The following KMT2C variants were observed in gnomAD, a reference collection of about 807,000 sequenced individuals.
KMT2C encodes histone-lysine N-methyltransferase 2C.
Under a neutral mutation model 507.9 loss-of-function variants are expected in KMT2C, and 88 were observed. The observed-to-expected ratio is 0.17, with a 90% CI of 0.15 to 0.21. The LOEUF is 0.21. KMT2C is among the 10% of genes least tolerant of loss of function. The pLI is 1.00. For missense variants in KMT2C, 4,954 were observed against 5,957.8 expected, an observed-to-expected ratio of 0.83 and a Z score of 5.55; for synonymous variants, 2,049 against 2,080.8, an observed-to-expected ratio of 0.98 and a Z score of 0.42.
At chr7:152,226,233 T>C (rs2094929100) in intron 18 of KMT2C, among the ~76,000 whole-genome samples, 1 of 140,310 alleles carries the variant, frequency 7.1e-6, no homozygotes, top group Admixed American at 7.1e-5. Flanking sequence ...TTTTTTTTTT[T>C]TTTTTTTTTT....
chr7:152,233,447 G>C lies in KMT2C; in HGVS notation c.2769+2370C>G, dbSNP rs1318796489. ...GTCCCTTCCAAGCAGGGACACGTAAGAGTAAACAAAAAAAGAAGATCAAAT... is the reference window on the plus strand; with the variant it reads ...GTCCCTTCCAAGCAGGGACACGTAACAGTAAACAAAAAAAGAAGATCAAAT... On this transcript the variant is annotated intron_variant, in intron 16 of 58. Coordinates refer to ENST00000262189, the MANE Select transcript of KMT2C (RefSeq NM_170606.3). 2.6e-5 allele frequency among the ~76,000 whole-genome samples: 4 copies of C among 151,546 alleles called. No individual in the cohort carries two copies. The East Asian group carries it at 7.7e-4, about 29-fold the overall frequency.
At chr7:152,296,432 CAA>C (rs551986657) in intron 6 of KMT2C, among the ~76,000 whole-genome samples, 14 of 98,694 alleles carry the variant, frequency 1.4e-4, no homozygotes, top group Non-Finnish European at 1.1e-4. Context: ...AACTCCATCT[CAA>C]AAAAAAAAAA....
chr7:152,435,993 G>A lies in KMT2C; in HGVS notation c.-207C>T, dbSNP rs896391743. On this transcript the variant is annotated 5_prime_UTR_variant, in exon 1 of 59. Coordinates refer to ENST00000262189, the MANE Select transcript of KMT2C (RefSeq NM_170606.3). The stretch of plus-strand genomic sequence containing the variant: ...CACGCACTCACACACATCGGCGCGG[G>A]CGCGCGCACCTCCGCGCGCAGGGGC... 1 of 266,052 alleles carries A rather than the reference G, an allele frequency of 3.8e-6. No homozygotes were observed. The allele number at this position is 266,052 out of a possible 1,614,324, so 16.5% of individuals were successfully genotyped here.
chr7:152,331,873 T>G (rs2096887767), intron 2 of KMT2C, among the ~76,000 whole-genome samples: 1 of 151,764 alleles, frequency 6.6e-6, no homozygotes, highest in African/African-American at 2.4e-5. Context: ...GGTCTTGAAC[T>G]CCTGACCTCA....
intron 55 of KMT2C, among the ~76,000 whole-genome samples, chr7:152,142,822 G>C (rs1364529000): frequency 6.6e-6 from 1 of 152,138 alleles, no homozygotes; most frequent in Non-Finnish European, 1.5e-5. Context: ...GGAAGACGGA[G>C]AAAAATAAAT....
intron 2 of KMT2C, among the ~76,000 whole-genome samples, chr7:152,346,207 T>G (rs1039630844): frequency 1.6e-4 from 24 of 152,308 alleles, no homozygotes; most frequent in Middle Eastern, 3.4e-3. Context: ...AACAAAGACA[T>G]AGTTGAATCT....
At chr7:152,193,985 T>A in intron 31 of KMT2C, 24 bp downstream of exon 31, 1 of 1,507,060 alleles carries the variant, frequency 6.6e-7, no homozygotes, top group Non-Finnish European at 8.8e-7. Context: ...GAATATAATG[T>A]AGAATTATAA....
At chr7:152,415,012 AT>A in intron 1 of KMT2C, among the ~76,000 whole-genome samples, 1 of 151,466 alleles carries the variant, frequency 6.6e-6, no homozygotes, top group Non-Finnish European at 1.5e-5. Flanking sequence ...CATGCAGCTA[AT>A]TTTTTATTTT....
At position 152,176,722 on chromosome 7, in the gene KMT2C, T is replaced by C. The variant is rs1340551299; in HGVS notation, c.8731A>G (p.Ile2911Val). 1.9e-6 allele frequency: 3 copies of C among 1,614,218 alleles called. No individual in the cohort carries two copies. Among genetic ancestry groups the C allele is most frequent in the African/African-American group, 1.3e-5 (1 of 75,058 alleles). ...PAQDVINSCG[I>V]TGSTPVLSSL... is the part of the protein sequence containing the mutation. ...GAGAGAACTGGAGTTGATCCAGTTATGCCACAAGAGTTTATTACATCTTGA... is the reference window on the plus strand; with the variant it reads ...GAGAGAACTGGAGTTGATCCAGTTACGCCACAAGAGTTTATTACATCTTGA... The change falls in exon 38 of 59, where the codon ATA (isoleucine) becomes GTA (valine). Residue 2911 changes from isoleucine (I) to valine (V), a missense_variant. Physicochemically the swap from Ile to Val is conservative, Grantham distance 29. Around this residue, in one of 29 missense-constraint regions of KMT2C, gnomAD observed 1,689 missense variants for 1,654.3 expected, o/e 1.02. Transcript: ENST00000262189.
intron 2 of KMT2C, among the ~76,000 whole-genome samples, chr7:152,353,905 T>C (rs1219608147): frequency 1.3e-5 from 2 of 152,224 alleles, no homozygotes; most frequent in African/African-American, 2.4e-5. Context: ...GACATACATA[T>C]GTTAAAACCT....
At chr7:152,398,435 T>C (rs2097550115) in intron 1 of KMT2C, among the ~76,000 whole-genome samples, 1 of 152,152 alleles carries the variant, frequency 6.6e-6, no homozygotes, top group Non-Finnish European at 1.5e-5. Context: ...AAAATGGATA[T>C]AAGTACATAC....
intron 34 of KMT2C, 69 bp from the exon 35 acceptor site, chr7:152,183,225 T>C (rs761713773): frequency 1.6e-6 from 2 of 1,221,684 alleles, no homozygotes; most frequent in East Asian, 2.5e-5. Flanking sequence ...AATAAAACTA[T>C]CATGAACTTT....
chr7:152,135,072 C>T lies in KMT2C; in HGVS notation c.*1760G>A, dbSNP rs1417759900. 8.7e-6 allele frequency: 2 copies of T among 228,846 alleles called. No homozygotes were observed. The highest frequency in any genetic ancestry group is 1.3e-4 in the East Asian group (2 of 15,890). The allele number at this position is 228,846 out of a possible 1,614,324, so 14.2% of individuals were successfully genotyped here. A position where few individuals can be genotyped will look rare whatever the true frequency, so the allele number is the denominator to read the frequency against. ...TATACAGAACAGAAAACAACAAAAA[C>T]CCGGTAGGACAAATACTGGTAGGAT... On this transcript the variant is annotated 3_prime_UTR_variant, in exon 59 of 59. Transcript: ENST00000262189.
At chr7:152,312,340 T>A (rs982229506) in intron 4 of KMT2C, 8 of 154,564 alleles carry the variant, frequency 5.2e-5, no homozygotes, top group African/African-American at 1.9e-4. Flanking sequence ...ATCAGAAATG[T>A]TTAGTCTGCT....
At chr7:152,322,332 C>T (rs1006966675) in intron 3 of KMT2C, among the ~76,000 whole-genome samples, 10 of 151,988 alleles carry the variant, frequency 6.6e-5, no homozygotes, top group African/African-American at 2.2e-4. Flanking sequence ...CACCGCACTC[C>T]AGCCTGGGCT....
chr7:152,390,762 A>T (rs992127320), intron 1 of KMT2C, among the ~76,000 whole-genome samples: 1 of 152,200 alleles, frequency 6.6e-6, no homozygotes, highest in Non-Finnish European at 1.5e-5. Flanking sequence ...TGTGTTTAAC[A>T]AATATTAGAC....
chr7:152,180,712 T>C lies in KMT2C; in HGVS notation c.7148A>G (p.Gln2383Arg), dbSNP rs1237509892. Residue 2383 changes from glutamine to arginine, a missense_variant and splice_region_variant, in exon 36 of 59, where the codon CAG becomes CGG. Physicochemically the swap from Gln to Arg is conservative, Grantham distance 43. Transcript: ENST00000262189. Reference sequence around the variant, plus strand: ...ACTGAGAACATACAATGTGTTTACCTGTCTCAATTTCTCTGTATCTGCTTG... The same window carrying C: ...ACTGAGAACATACAATGTGTTTACCCGTCTCAATTTCTCTGTATCTGCTTG... ...MAQADTEKLR[Q>R]RQKLREIILQ... The C allele has an allele frequency of 1.2e-6, 2 of 1,602,770 alleles. No homozygotes were observed. The highest frequency in any genetic ancestry group is 3.4e-5 in the Admixed American group (2 of 59,026).
chr7:152,138,991 G>A lies in KMT2C; in HGVS notation c.14535-87C>T. ...CCCATTTATTGATAAAGCAGTTTTTGCTAATTAAATTTCTATTTGCCCATT... is the reference window on the plus strand; with the variant it reads ...CCCATTTATTGATAAAGCAGTTTTTACTAATTAAATTTCTATTTGCCCATT... On this transcript the variant is annotated intron_variant, in intron 57 of 58. Coordinates refer to ENST00000262189, the MANE Select transcript of KMT2C (RefSeq NM_170606.3). The surrounding 1 kb of genome is among the most constrained non-coding windows in gnomAD (Gnocchi z 4.2). The A allele has an allele frequency of 8.9e-7, 1 of 1,128,540 alleles. No homozygotes were observed. The highest frequency in any genetic ancestry group is 1.3e-6 in the Non-Finnish European group (1 of 748,878). The allele number at this position is 1,128,540 out of a possible 1,614,324, so 69.9% of individuals were successfully genotyped here. A position where few individuals can be genotyped will look rare whatever the true frequency, so the allele number is the denominator to read the frequency against.
chr7:152,298,263 T>C lies in KMT2C; in HGVS notation c.849+11703A>G, dbSNP rs577209310. ...GAAGAAACAACTGCTGAAAATGTTC[T>C]AGCCATAAAAAGACCTATTAACTCA... is the stretch of plus-strand genomic sequence containing the variant. On this transcript the variant is annotated intron_variant, in intron 6 of 58. Coordinates refer to ENST00000262189, the MANE Select transcript of KMT2C (RefSeq NM_170606.3). Among the ~76,000 whole-genome samples the C allele has an allele frequency of 3.1e-4, 47 of 152,218 alleles. 1 individual carries two copies. The highest frequency in any genetic ancestry group is 1.1e-3 in the African/African-American group (45 of 41,566).
Sources: gnomAD v4.1 joint callset for allele counts (sites outside exome capture counted in the v4.1 genomes callset) on GRCh38, gnomAD v4.1.1 for gene constraint, gnomAD v4.1.1 regional missense constraint, Gnocchi (gnomAD v3.1) non-coding constraint, MANE v1.5 for transcripts, NCBI Gene and HGNC (gene_info 2026-07-23, HGNC 2026-07-21) for gene names.